PCDHA1: variants seen among roughly 807,000 people sequenced by gnomAD.
PCDHA1 encodes protocadherin alpha-1.
PCDHA1 carries 42 observed loss-of-function variants against 61.3 expected under a neutral mutation model. That is an observed-to-expected ratio of 0.69 (90% CI 0.54 to 0.89). PCDHA1 has a LOEUF of 0.89. Ranked by LOEUF, PCDHA1 falls within the 40% of genes least tolerant of loss-of-function variation. The pLI, the probability that PCDHA1 is intolerant of heterozygous loss-of-function variation, is 0.00. For missense variants in PCDHA1, 1,256 were observed against 1,235.3 expected, an observed-to-expected ratio of 1.02 and a Z score of -0.25; for synonymous variants, 610 against 553.8, an observed-to-expected ratio of 1.10 and a Z score of -1.43.
At chr5:140,920,825 G>A (rs557360536) in intron 1 of PCDHA1, among the ~76,000 whole-genome samples, 12 of 150,152 alleles carry the variant, frequency 8.0e-5, no homozygotes, top group African/African-American at 2.4e-4. Context: ...GCCTGGCGAC[G>A]GAGCAAGACC....
intron 1 of PCDHA1, chr5:140,803,103 G>T: frequency 1.2e-6 from 2 of 1,613,824 alleles, no homozygotes; most frequent in Non-Finnish European, 1.7e-6. Flanking sequence ...CACGACCCGT[G>T]CCCTGGACGA....
intron 1 of PCDHA1, chr5:140,808,493 T>G (rs781860911): frequency 1.9e-6 from 3 of 1,614,134 alleles, no homozygotes; most frequent in Non-Finnish European, 2.5e-6. Flanking sequence ...GCCTTCGCTG[T>G]GGGCCACGGC....
At chr5:140,995,837 C>T (rs1554254841) in intron 3 of PCDHA1, among the ~76,000 whole-genome samples, 2 of 152,158 alleles carry the variant, frequency 1.3e-5, no homozygotes, top group Non-Finnish European at 2.9e-5. Context: ...TGCACAGTGC[C>T]TCACATTTCT....
chr5:140,836,389 T>TG (rs1328834113), intron 1 of PCDHA1: 1 of 1,613,560 alleles, frequency 6.2e-7, no homozygotes, highest in East Asian at 2.2e-5. Flanking sequence ...CTGGTGTCGC[T>TG]GGTGGAAAGC....
intron 3 of PCDHA1, among the ~76,000 whole-genome samples, chr5:140,992,722 C>T (rs1455058842): frequency 1.3e-5 from 2 of 152,154 alleles, no homozygotes; most frequent in Non-Finnish European, 2.9e-5. Context: ...ATTCGTAAAT[C>T]CCACCTGCTT....
rs1354537383 is a variant in PCDHA1 at position 140,982,283 on chromosome 5, A to G, written c.2454-192A>G. On this transcript the variant is annotated intron_variant, in intron 2 of 3. Coordinates refer to ENST00000504120, the MANE Select transcript of PCDHA1 (RefSeq NM_018900.4). The stretch of plus-strand genomic sequence containing the variant: ...TGTTCCTGGAATAGTATAGCAGGCA[A>G]TAAGTAAGTCAGCAATGCTTCTGCA... 1.7e-5 allele frequency: 18 copies of G among 1,044,438 alleles called. No homozygotes were observed. In the East Asian group the frequency reaches 2.7e-4, roughly 16 times the overall value. 64.7% of individuals were successfully genotyped at this position (1,044,438 alleles called of 1,614,324 possible).
intron 1 of PCDHA1, among the ~76,000 whole-genome samples, chr5:140,936,014 T>C (rs1405282987): frequency 4.0e-5 from 6 of 151,334 alleles, no homozygotes; most frequent in Non-Finnish European, 8.8e-5. Flanking sequence ...CACCTCAGCC[T>C]CCCGAGTAGC....
intron 1 of PCDHA1, among the ~76,000 whole-genome samples, chr5:140,833,329 T>C (rs1234770321): frequency 2.6e-5 from 4 of 152,266 alleles, no homozygotes; most frequent in South Asian, 2.1e-4. Flanking sequence ...ATTGGGAACA[T>C]TGGAGTGAAA....
rs189790601 is a variant in PCDHA1 at position 140,875,550 on chromosome 5, G to A, written c.2394+86866G>A. ...TTCTGCTCCTTGCAGCCTGGGAGGTGGGGAGCGGCCAGCTCCACTACTCCG... is the reference window on the plus strand; with the variant it reads ...TTCTGCTCCTTGCAGCCTGGGAGGTAGGGAGCGGCCAGCTCCACTACTCCG... On this transcript the variant is annotated intron_variant, in intron 1 of 3. Transcript: ENST00000504120. 51 of 1,614,134 alleles carry A rather than the reference G, an allele frequency of 3.2e-5. No homozygotes were observed. In the African/African-American group the frequency reaches 5.7e-4, roughly 18 times the overall value.
intron 1 of PCDHA1, among the ~76,000 whole-genome samples, chr5:140,818,377 G>A (rs2150101074): frequency 2.0e-5 from 3 of 152,204 alleles, no homozygotes; most frequent in Non-Finnish European, 2.9e-5. Context: ...AACTTGAATC[G>A]TGGCATTTTT....
At chr5:140,799,910 A>T (rs754632137) in intron 1 of PCDHA1, among the ~76,000 whole-genome samples, 70 of 152,238 alleles carry the variant, frequency 4.6e-4, no homozygotes, top group Admixed American at 2.7e-3. Flanking sequence ...AAATGCGGCG[A>T]GAATTCATGC....
chr5:140,852,204 A>G lies in PCDHA1; in HGVS notation c.2394+63520A>G, dbSNP rs2150513408. On this transcript the variant is annotated intron_variant, in intron 1 of 3. Transcript: ENST00000504120. The stretch of plus-strand genomic sequence containing the variant: ...ATGAAAATGCCAGTAACGTTTATTT[A>G]AAACAAAATATTTTAATTTTTAAAT... The G allele has an allele frequency of 7.5e-6, 5 of 666,504 alleles. No homozygotes were observed. The African/African-American group carries it at 9.8e-5, about 13-fold the overall frequency. 41.3% of individuals were successfully genotyped at this position (666,504 alleles called of 1,614,324 possible).
intron 1 of PCDHA1, among the ~76,000 whole-genome samples, chr5:140,885,974 T>C (rs2060795303): frequency 6.6e-6 from 1 of 152,200 alleles, no homozygotes; most frequent in Admixed American, 6.5e-5. Flanking sequence ...GAGATAATTA[T>C]AGATTCGCAT....
chr5:140,819,353 T>G (rs1766541338), intron 1 of PCDHA1, among the ~76,000 whole-genome samples: 1 of 152,170 alleles, frequency 6.6e-6, no homozygotes, highest in African/African-American at 2.4e-5. Context: ...CTTATGAAGA[T>G]TAAATTTTCT....
intron 1 of PCDHA1, among the ~76,000 whole-genome samples, chr5:140,953,290 A>G (rs1554220852): frequency 1.3e-5 from 2 of 152,124 alleles, no homozygotes; most frequent in Admixed American, 6.6e-5. Context: ...TATGTGATTC[A>G]GGGACGGCAG....
intron 3 of PCDHA1, among the ~76,000 whole-genome samples, chr5:141,007,687 C>T (rs1434828672): frequency 1.3e-5 from 2 of 152,200 alleles, no homozygotes; most frequent in Non-Finnish European, 2.9e-5. Flanking sequence ...TATCCTACTT[C>T]CACCTCCCTC....
chr5:140,927,910 C>A lies in PCDHA1; in HGVS notation c.2395-51039C>A, dbSNP rs782484227. 2.5e-6 allele frequency: 4 copies of A among 1,614,216 alleles called. No homozygotes were observed. In the South Asian group the frequency reaches 3.3e-5, roughly 13 times the overall value. On this transcript the variant is annotated intron_variant, in intron 1 of 3. Transcript: ENST00000504120. ...TGACGTGAACGATCATGCCCCCGAACTGGACTTCCTGACTCTTTCGAACCC... is the reference window on the plus strand; with the variant it reads ...TGACGTGAACGATCATGCCCCCGAAATGGACTTCCTGACTCTTTCGAACCC...
At chr5:140,992,332 A>G (rs1554252819) in intron 3 of PCDHA1, among the ~76,000 whole-genome samples, 1 of 152,202 alleles carries the variant, frequency 6.6e-6, no homozygotes, top group African/African-American at 2.4e-5. Context: ...TCTAAGAGCA[A>G]AGATGGAAAT....
At position 140,927,570 on chromosome 5, in the gene PCDHA1, A is replaced by G. The variant is rs568227710; in HGVS notation, c.2395-51379A>G. 5.0e-5 allele frequency: 80 copies of G among 1,614,066 alleles called. 1 individual carries two copies. Among genetic ancestry groups the G allele is most frequent in the Middle Eastern group, 4.9e-4 (3 of 6,084 alleles). On this transcript the variant is annotated intron_variant, in intron 1 of 3. Transcript: ENST00000504120. ...AAGTCACCATCATTGTGGTGGACAC[A>G]AATGACAACGCGCCTGTATTTGAGC...
Sources: gnomAD v4.1 joint callset for allele counts (sites outside exome capture counted in the v4.1 genomes callset) on GRCh38, gnomAD v4.1.1 for gene constraint, MANE v1.5 for transcripts, NCBI Gene and HGNC (gene_info 2026-07-23, HGNC 2026-07-21) for gene names.